Variants in SPTB observed in about 807,000 individuals in gnomAD.
SPTB encodes spectrin beta, erythrocytic.
Under a neutral mutation model 256.2 loss-of-function variants are expected in SPTB, and 45 were observed. The ratio of observed to expected loss-of-function variants is 0.18; its 90% confidence interval spans 0.14 to 0.23. The LOEUF (loss-of-function observed/expected upper bound fraction) is 0.23, where lower values mean the gene tolerates loss of function less well. Ranked by LOEUF, SPTB falls within the 10% of genes least tolerant of loss-of-function variation. The pLI is 1.00. For synonymous variants in SPTB, 1,231 were observed against 1,243.1 expected (o/e 0.99, Z 0.21); for missense variants, 2,715 against 3,040.4 (o/e 0.89, Z 2.52).
chr14:64,767,199 G>A, intron 31 of SPTB, 104 bp downstream of exon 31: 1 of 1,449,122 alleles, frequency 6.9e-7, no homozygotes, highest in African/African-American at 1.4e-5. Context: ...CCCAGTGTGA[G>A]AAGTCAAATG....
intron 32 of SPTB, chr14:64,766,375 A>G (rs2082182496): frequency 2.3e-6 from 3 of 1,304,874 alleles, no homozygotes; most frequent in Non-Finnish European, 2.9e-6. Flanking sequence ...GACGGTGTAC[A>G]GAAATGCACT....
chr14:64,808,728 T>C (rs1041039941), intron 2 of SPTB, among the ~76,000 whole-genome samples: 2 of 152,262 alleles, frequency 1.3e-5, no homozygotes, highest in African/African-American at 4.8e-5. Flanking sequence ...CAATTAACTT[T>C]TGCAAGCACA....
chr14:64,775,460 C>T lies in SPTB; in HGVS notation c.4564-57G>A, dbSNP rs1594762685. 2 of 1,575,284 alleles carry T rather than the reference C, an allele frequency of 1.3e-6. No individual in the cohort carries two copies. Among genetic ancestry groups the T allele is most frequent in the East Asian group, 4.5e-5 (2 of 44,438 alleles). ...CCTTCCCACCATGCGGGGGAGGCTG[C>T]TTCAGCAGTGGCAGCACAGCTCTGA... On this transcript the variant is annotated intron_variant, in intron 22 of 35. Coordinates refer to ENST00000644917, the MANE Select transcript of SPTB (RefSeq NM_001355436.2). This position sits in a 1 kb window ranked among gnomAD's most constrained non-coding sequence, Gnocchi z 5.0.
chr14:64,859,937 C>T (rs988895575), intron 1 of SPTB, among the ~76,000 whole-genome samples: 2 of 152,052 alleles, frequency 1.3e-5, no homozygotes, highest in African/African-American at 4.8e-5. Flanking sequence ...TCTGAAAAGA[C>T]TGTGAATAAA....
intron 33 of SPTB, among the ~76,000 whole-genome samples, chr14:64,753,287 G>A (rs913325654): frequency 3.9e-5 from 6 of 152,166 alleles, no homozygotes; most frequent in East Asian, 1.9e-4. Flanking sequence ...TGGGGAAACC[G>A]ATTTAAAGAG....
rs375967688 is a variant in SPTB at position 64,822,981 on chromosome 14, C to T, written c.114G>A (p.Arg38=). The change falls in exon 2 of 36, where the codon AGG becomes AGA. Residue 38 remains arginine, a synonymous_variant. Coordinates refer to ENST00000644917, the MANE Select transcript of SPTB (RefSeq NM_001355436.2). ...CCTTTATCCGGGACCTCTCAAAGAG[C>T]CTGGCTGAGCTGTTGTCATTATCCA... The part of the protein sequence containing the change: ...DELDNDNSSA[R]LFERSRIKAL... 2 of 1,613,860 alleles carry T rather than the reference C, an allele frequency of 1.2e-6. No individual in the cohort carries two copies. Among genetic ancestry groups the T allele is most frequent in the African/African-American group, 2.7e-5 (2 of 74,950 alleles).
rs775843992 is a variant in SPTB at position 64,782,444 on chromosome 14, T to C, written c.4112A>G (p.Lys1371Arg). The C allele has an allele frequency of 1.2e-6, 2 of 1,614,176 alleles. No individual in the cohort carries two copies. Among genetic ancestry groups the C allele is most frequent in the Admixed American group, 3.3e-5 (2 of 60,030 alleles). Residue 1371 changes from lysine (K) to arginine (R), a missense_variant, in exon 20 of 36, where the codon AAG (lysine) becomes AGG (arginine). Lys to Arg is a conservative substitution (Grantham distance 26, BLOSUM62 2). Around this residue, in one of 4 missense-constraint regions of SPTB, gnomAD observed 2,239 missense variants for 2,384.4 expected, o/e 0.94. Transcript: ENST00000644917. ...CCTGGCAGCCGAGAGGTGCTGGGTC[T>C]TCTCCTTTGTGGTGGCCTGCAGCTC... Reference protein sequence around the residue: ...WDELQATTKEKTQHLSAARSS... With the variant: ...WDELQATTKERTQHLSAARSS...
At position 64,779,897 on chromosome 14, in the gene SPTB, T is replaced by A; in HGVS notation, c.4301A>T (p.Glu1434Val). Residue 1434 changes from glutamate to valine, a missense_variant, in exon 21 of 36, where the codon GAG (glutamate) becomes GTG (valine). Around this residue, in one of 4 missense-constraint regions of SPTB, gnomAD observed 2,239 missense variants for 2,384.4 expected, o/e 0.94. Coordinates refer to ENST00000644917, the MANE Select transcript of SPTB (RefSeq NM_001355436.2). The surrounding 1 kb of genome is among the most constrained non-coding windows in gnomAD (Gnocchi z 4.2). Reference protein sequence around the residue: ...VEDQVNVRKEELGELFAQVPS... With the variant: ...VEDQVNVRKEVLGELFAQVPS... ...CACCTGGGCAAACAGCTCCCCCAGC[T>A]CCTCTTTTCGCACATTCACTTGGTC... 1.2e-6 allele frequency: 2 copies of A among 1,613,894 alleles called. No homozygotes were observed. The highest frequency in any genetic ancestry group is 1.7e-6 in the Non-Finnish European group (2 of 1,179,902).
chr14:64,845,032 G>T lies in SPTB; in HGVS notation c.-51-21887C>A, dbSNP rs192048384. 9.8e-5 allele frequency among the ~76,000 whole-genome samples: 15 copies of T among 152,344 alleles called. No homozygotes were observed. The highest frequency in any genetic ancestry group is 7.8e-4 in the Admixed American group (12 of 15,296). On this transcript the variant is annotated intron_variant, in intron 1 of 35. Coordinates refer to ENST00000644917, the MANE Select transcript of SPTB (RefSeq NM_001355436.2). This position sits in a 1 kb window ranked among gnomAD's most constrained non-coding sequence, Gnocchi z 4.8. ...ATACTTCCTTGTTAAAGAGAGAGAT[G>T]GACATGGAAAATAAGCAAAGCACTG...
chr14:64,773,621 C>T (rs143166534), intron 24 of SPTB, among the ~76,000 whole-genome samples, 197 bp from the exon 25 acceptor site: 1 of 152,342 alleles, frequency 6.6e-6, no homozygotes, highest in African/African-American at 2.4e-5. Flanking sequence ...GGGGATGACA[C>T]ACTGTGTCCT....
rs1594783087 is a variant in SPTB, at chr14:64,793,761, C to T, written c.1902G>A (p.Glu634=). The change falls in exon 14 of 36, where the codon GAG becomes GAA. Residue 634 remains glutamate (E), a synonymous_variant. Coordinates refer to ENST00000644917, the MANE Select transcript of SPTB (RefSeq NM_001355436.2). The surrounding 1 kb of genome is among the most constrained non-coding windows in gnomAD (Gnocchi z 7.0). ...NMAAGRKAQL[E]QSKRLWKFFW... is the part of the protein sequence containing the mutation. ...AGAACTTCCAGAGTCGTTTGGACTG[C>T]TCCAGTTGGGCCTTCCGCCCAGCTG... 1.2e-6 allele frequency: 2 copies of T among 1,614,104 alleles called. No homozygotes were observed. The highest frequency in any genetic ancestry group is 1.7e-6 in the Non-Finnish European group (2 of 1,180,006).
At chr14:64,770,858 C>T in intron 27 of SPTB, 27 bp downstream of exon 27, 1 of 1,613,854 alleles carries the variant, frequency 6.2e-7, no homozygotes, top group Non-Finnish European at 8.5e-7. Flanking sequence ...AGAGGAGCTG[C>T]CTCTGCCTCA....
At chr14:64,854,107 A>T (rs2083829898) in intron 1 of SPTB, among the ~76,000 whole-genome samples, 1 of 150,582 alleles carries the variant, frequency 6.6e-6, no homozygotes, top group Non-Finnish European at 1.5e-5. Flanking sequence ...CAGAAGAATC[A>T]CTTGAACCCA....
chr14:64,775,128 G>C lies in SPTB; in HGVS notation c.4839C>G (p.Pro1613=), dbSNP rs760274532. Residue 1613 remains proline (P), a synonymous_variant, in exon 23 of 36, where the codon CCC becomes CCG. Transcript: ENST00000644917. This position sits in a 1 kb window ranked among gnomAD's most constrained non-coding sequence, Gnocchi z 5.0. ...GGTATCCCCTGCCCGAACAGACCTTGGGGATCTCATCGGAGATGACGTAGA... is the reference window on the plus strand; with the variant it reads ...GGTATCCCCTGCCCGAACAGACCTTCGGGATCTCATCGGAGATGACGTAGA... ...QELYVISDEI[P]KDEEGAIVML... The C allele has an allele frequency of 1.2e-6, 2 of 1,613,880 alleles. No homozygotes were observed. The highest frequency in any genetic ancestry group is 1.7e-6 in the Non-Finnish European group (2 of 1,180,028).
At chr14:64,843,418 A>T (rs1162481264) in intron 1 of SPTB, among the ~76,000 whole-genome samples, 2 of 152,146 alleles carry the variant, frequency 1.3e-5, no homozygotes, top group Non-Finnish European at 2.9e-5. Flanking sequence ...AGGGGAAAAG[A>T]TGTTTTTATA....
chr14:64,802,228 T>C lies in SPTB; in HGVS notation c.564A>G (p.Ala188=), dbSNP rs767314423. 6 of 1,614,240 alleles carry C rather than the reference T, an allele frequency of 3.7e-6. No individual in the cohort carries two copies. The Admixed American group carries it at 5.0e-5, about 13-fold the overall frequency. ...ALLLWCQMKT[A]GYPHVNVTNF... ...AACAGCTGGTTCCCAGGGCATACCC[T>C]GCCGTCTTCATCTGACACCACAACA... The change falls in exon 5 of 36, where the codon GCA becomes GCG. Residue 188 remains alanine, a splice_region_variant and synonymous_variant. Transcript: ENST00000644917. This position sits in a 1 kb window ranked among gnomAD's most constrained non-coding sequence, Gnocchi z 5.1.
chr14:64,854,274 C>CA (rs2083834850), intron 1 of SPTB, among the ~76,000 whole-genome samples: 1 of 73,264 alleles, frequency 1.4e-5, no homozygotes, highest in Non-Finnish European at 2.4e-5. Context: ...TTTCCAAACT[C>CA]TTTTTTTTTT....
At position 64,774,025 on chromosome 14, in the gene SPTB, T is replaced by C. The variant is rs189951238; in HGVS notation, c.4973+372A>G. Among the ~76,000 whole-genome samples the C allele has an allele frequency of 5.5e-3, 845 of 152,330 alleles. 9 individuals are homozygous for C. The highest frequency in any genetic ancestry group is 0.019 in the African/African-American group (809 of 41,566). On this transcript the variant is annotated intron_variant, in intron 24 of 35. Coordinates refer to ENST00000644917, the MANE Select transcript of SPTB (RefSeq NM_001355436.2). ...CACCTGCACTCCTACATCATGGTTCTGTCTGGACTGTGAAGTCCTGGAGAC... is the reference window on the plus strand; with the variant it reads ...CACCTGCACTCCTACATCATGGTTCCGTCTGGACTGTGAAGTCCTGGAGAC...
chr14:64,766,606 G>A (rs747046870), intron 32 of SPTB, 120 bp downstream of exon 32: 7 of 1,607,454 alleles, frequency 4.4e-6, no homozygotes, highest in Non-Finnish European at 4.2e-6. Flanking sequence ...GATGTGGGGA[G>A]GATGGAGGGC....
Sources: allele counts gnomAD v4.1 joint callset (sites outside exome capture counted in the v4.1 genomes callset), GRCh38; gene constraint gnomAD v4.1.1; regional missense constraint gnomAD v4.1.1; non-coding constraint Gnocchi (gnomAD v3.1); transcripts MANE v1.5; gene names NCBI Gene and HGNC (gene_info 2026-07-23, HGNC 2026-07-21).